Variants in HGS observed in about 807,000 individuals in gnomAD.
The protein encoded by HGS is hepatocyte growth factor-regulated tyrosine kinase substrate.
Under a neutral mutation model 109.7 loss-of-function variants are expected in HGS, and 63 were observed. The observed-to-expected ratio is 0.57, with a 90% CI of 0.47 to 0.71. HGS has a LOEUF of 0.71. HGS is among the 30% of genes least tolerant of loss of function. HGS has a pLI of 0.00. For missense variants in HGS, 995 were observed against 1,068.3 expected, an observed-to-expected ratio of 0.93 and a Z score of 0.96; for synonymous variants, 546 against 437.3, an observed-to-expected ratio of 1.25 and a Z score of -3.10.
At chr17:81,689,648 C>T (rs1219063304) in intron 5 of HGS, among the ~76,000 whole-genome samples, 1 of 152,112 alleles carries the variant, frequency 6.6e-6, no homozygotes, top group African/African-American at 2.4e-5. Flanking sequence ...AGGAGTTGGA[C>T]GCTTGCCCTG....
chr17:81,693,998 T>C (rs758597959), intron 11 of HGS, 33 bp downstream of exon 11: 2 of 1,570,484 alleles, frequency 1.3e-6, no homozygotes, highest in Non-Finnish European at 1.7e-6. Context: ...CTCCCTCTCC[T>C]GGAAGGCAGT....
rs1207950305 is a variant in HGS at position 81,688,804 on chromosome 17, C to T, written c.392C>T (p.Thr131Ile). ...CCCAAGTACAAGGTGGTCCAGGACA[C>T]CTACCAGATCATGAAGGTGGAGGGT... ...NEPKYKVVQD[T>I]YQIMKVEGHV... The change falls in exon 5 of 22, where the codon ACC becomes ATC. Residue 131 changes from threonine (T) to isoleucine (I), a missense_variant. Transcript: ENST00000329138. 1.9e-6 allele frequency: 3 copies of T among 1,614,146 alleles called. No individual in the cohort carries two copies. Among genetic ancestry groups the T allele is most frequent in the Non-Finnish European group, 2.5e-6 (3 of 1,180,010 alleles).
chr17:81,698,455 T>G (rs2037187392), intron 18 of HGS: 2 of 152,230 alleles, frequency 1.3e-5, no homozygotes, highest in Non-Finnish European at 2.9e-5. Flanking sequence ...GTTTCCCAGG[T>G]GTGGCCATGG....
In HGS at chr17:81,691,861, A is replaced by G. The variant is rs541700935; in HGVS notation, c.662+290A>G. On this transcript the variant is annotated intron_variant, in intron 8 of 21. Transcript: ENST00000329138. This position sits in a 1 kb window ranked among gnomAD's most constrained non-coding sequence, Gnocchi z 5.3. ...GTTTGTTTGCATTTCAACTTTCGGA[A>G]TAAAACTTACAGAAAAGTTGCAAGA... 5 of 320,518 alleles carry G rather than the reference A, an allele frequency of 1.6e-5. No individual in the cohort carries two copies. Among genetic ancestry groups the G allele is most frequent in the African/African-American group, 6.3e-5 (3 of 47,984 alleles). The allele number at this position is 320,518 out of a possible 1,614,324, so 19.9% of individuals were successfully genotyped here.
Position 81,686,995 on chromosome 17 carries a change from A to G in HGS, c.199-8A>G. 2 of 1,611,286 alleles carry G rather than the reference A, an allele frequency of 1.2e-6. No individual in the cohort carries two copies. The highest frequency in any genetic ancestry group is 1.7e-6 in the Non-Finnish European group (2 of 1,178,648). ...TGGCCCAACCCTTCCCTTCCTGGGC[A>G]TCTGCAGGTCATGGAATCTGTGGTA... On this transcript the variant is annotated splice_polypyrimidine_tract_variant and splice_region_variant and intron_variant, in intron 3 of 21. Transcript: ENST00000329138.
At chr17:81,699,800 G>GGC (rs1236889160) in intron 18 of HGS, among the ~76,000 whole-genome samples, 1 of 151,870 alleles carries the variant, frequency 6.6e-6, no homozygotes. Context: ...CTCCTGGCCG[G>GGC]GCGGTGGCTC....
At chr17:81,699,021 C>T (rs1327973782) in intron 18 of HGS, among the ~76,000 whole-genome samples, 1 of 150,826 alleles carries the variant, frequency 6.6e-6, no homozygotes, top group East Asian at 2.0e-4. Flanking sequence ...GAGCCAAGAT[C>T]ATGCCATTGC....
chr17:81,698,086 G>A (rs1244803513), intron 18 of HGS: 2 of 152,132 alleles, frequency 1.3e-5, no homozygotes, highest in Non-Finnish European at 2.9e-5. Context: ...GGGTCATGAG[G>A]TCAGGAGTTC....
intron 18 of HGS, among the ~76,000 whole-genome samples, chr17:81,698,941 C>T (rs1353432782): frequency 6.6e-6 from 1 of 152,076 alleles, no homozygotes; most frequent in Non-Finnish European, 1.5e-5. Flanking sequence ...ATGGTGCACA[C>T]CTGTAATCCC....
chr17:81,693,172 C>T (rs2037091442), intron 8 of HGS, among the ~76,000 whole-genome samples: 1 of 152,204 alleles, frequency 6.6e-6, no homozygotes, highest in Non-Finnish European at 1.5e-5. Context: ...TTGGGTGGGG[C>T]CCGTCCCACA....
Position 81,693,963 on chromosome 17 carries a change from G to A in HGS, c.934G>A (p.Val312Met). 1 of 1,607,304 alleles carries A rather than the reference G, an allele frequency of 6.2e-7. No individual in the cohort carries two copies. Among genetic ancestry groups the A allele is most frequent in the Non-Finnish European group, 8.5e-7 (1 of 1,178,392 alleles). The change falls in exon 11 of 22, where the codon GTG becomes ATG. Residue 312 changes from valine (V) to methionine (M), a missense_variant and splice_region_variant. Val to Met is a conservative substitution (Grantham distance 21, BLOSUM62 1). Coordinates refer to ENST00000329138, the MANE Select transcript of HGS (RefSeq NM_004712.5). ...CGCCAGCAGCCTGTACTCTTCACCT[G>A]TGGTGAGCGGCCCTTGGGCTGGAGC... ...PPASSLYSSP[V>M]NSSAPLAEDI...
intron 5 of HGS, 151 bp downstream of exon 5, chr17:81,688,978 G>A: frequency 9.3e-7 from 1 of 1,080,240 alleles, no homozygotes; most frequent in Non-Finnish European, 1.3e-6. Context: ...GGAAGACCGT[G>A]CATGTGAGGG....
At chr17:81,684,135 G>C in intron 1 of HGS, 32 bp downstream of exon 1, 1 of 1,528,938 alleles carries the variant, frequency 6.5e-7, no homozygotes, top group Non-Finnish European at 8.8e-7. Flanking sequence ...GCTCGGCCTT[G>C]GTCAGCCCGC....
chr17:81,686,616 G>A (rs1281592584), intron 3 of HGS, among the ~76,000 whole-genome samples: 2 of 152,212 alleles, frequency 1.3e-5, no homozygotes, highest in African/African-American at 2.4e-5. Context: ...TTCTTCAGCC[G>A]GTCCTGCGTG....
chr17:81,686,480 A>AGGGAGGTGGGCAAGG, intron 3 of HGS, 93 bp downstream of exon 3: 3 of 880,514 alleles, frequency 3.4e-6, no homozygotes, highest in Non-Finnish European at 5.6e-6. Flanking sequence ...GGCCTTGCCC[A>AGGGAGGTGGGCAAGG]CCTCCCTGGG....
chr17:81,690,487 G>C, intron 6 of HGS, 187 bp from the exon 7 acceptor site: 3 of 622,692 alleles, frequency 4.8e-6, no homozygotes, highest in Admixed American at 3.0e-5. Flanking sequence ...GAGGAAGGAA[G>C]TCCCTTCCTC....
intron 14 of HGS, 188 bp from the exon 15 acceptor site, chr17:81,695,598 C>A: frequency 1.6e-6 from 1 of 625,850 alleles, no homozygotes; most frequent in Non-Finnish European, 2.8e-6. Context: ...CTGACCAGGG[C>A]TTGCAGCTGG....
rs947954846 is a variant in HGS at position 81,693,710 on chromosome 17, C to T, written c.798C>T (p.Ala266=). ...AGGAGGAGGAGGAGCTGCAGCTGGCCCTGGCGCTGTCACAGTCAGAGGCGG... is the reference window on the plus strand; with the variant it reads ...AGGAGGAGGAGGAGCTGCAGCTGGCTCTGGCGCTGTCACAGTCAGAGGCGG... ...ALQEEEELQL[A]LALSQSEAEE... The change falls in exon 10 of 22, where the codon GCC becomes GCT. Residue 266 remains alanine, a synonymous_variant. Coordinates refer to ENST00000329138, the MANE Select transcript of HGS (RefSeq NM_004712.5). The T allele has an allele frequency of 3.2e-6, 5 of 1,558,520 alleles. No homozygotes were observed. Among genetic ancestry groups the T allele is most frequent in the South Asian group, 1.2e-5 (1 of 85,604 alleles).
intron 3 of HGS, 150 bp from the exon 4 acceptor site, chr17:81,686,853 A>AG (rs1876893885): frequency 1.6e-6 from 1 of 624,596 alleles, no homozygotes; most frequent in Non-Finnish European, 2.8e-6. Context: ...GGCCTGTCGA[A>AG]GGGCTCTGCT....
Sources: allele counts gnomAD v4.1 joint callset (sites outside exome capture counted in the v4.1 genomes callset), GRCh38; gene constraint gnomAD v4.1.1; non-coding constraint Gnocchi (gnomAD v3.1); transcripts MANE v1.5; gene names NCBI Gene and HGNC (gene_info 2026-07-23, HGNC 2026-07-21).